NPSR1: variants seen among roughly 807,000 people sequenced by gnomAD.
NPSR1 encodes neuropeptide S receptor 1, also known as neuropeptide S receptor.
In NPSR1, 48 loss-of-function variants were observed where a neutral mutation model predicts 46.9. The observed-to-expected ratio is 1.02, with a 90% CI of 0.81 to 1.30. The LOEUF is 1.30. NPSR1 is among the 50% of genes most tolerant of loss of function. The pLI is 0.00. For synonymous variants in NPSR1, 176 were observed against 168.1 expected, an observed-to-expected ratio of 1.05 and a Z score of -0.36; for missense variants, 450 against 449.5, an observed-to-expected ratio of 1.00 and a Z score of -0.01.
chr7:34,685,359 A>G (rs954538887), intron 2 of NPSR1, among the ~76,000 whole-genome samples: 6 of 152,208 alleles, frequency 3.9e-5, no homozygotes, highest in Non-Finnish European at 8.8e-5. Flanking sequence ...AAACACAACC[A>G]GGGAAAGAGT....
chr7:34,865,400 C>G (rs982620727), intron 8 of NPSR1, among the ~76,000 whole-genome samples: 26 of 151,726 alleles, frequency 1.7e-4, no homozygotes, highest in Non-Finnish European at 3.2e-4. Context: ...ACAGCTCCCC[C>G]CATGAAAAAG....
chr7:34,812,229 C>T (rs1436588821), intron 4 of NPSR1, among the ~76,000 whole-genome samples: 2 of 152,162 alleles, frequency 1.3e-5, no homozygotes, highest in African/African-American at 2.4e-5. Context: ...AACTCTCCCA[C>T]ACTAACTTCT....
chr7:34,689,730 C>A (rs576263229), intron 2 of NPSR1, among the ~76,000 whole-genome samples: 1 of 150,754 alleles, frequency 6.6e-6, no homozygotes, highest in African/African-American at 2.4e-5. Flanking sequence ...ATCACTTGAG[C>A]TTAGGAATTC....
chr7:34,664,861 TGAGG>T (rs1238551441), intron 1 of NPSR1, among the ~76,000 whole-genome samples: 1 of 152,178 alleles, frequency 6.6e-6, no homozygotes, highest in Non-Finnish European at 1.5e-5. Context: ...CCCAAGGTCA[TGAGG>T]AAGTTGTAAG....
At chr7:34,700,259 C>T (rs997676459) in intron 2 of NPSR1, among the ~76,000 whole-genome samples, 1 of 152,110 alleles carries the variant, frequency 6.6e-6, no homozygotes, top group African/African-American at 2.4e-5. Context: ...GTTTAGAAAG[C>T]AAGATGTTCC....
chr7:34,843,305 C>A (rs1270189875), intron 6 of NPSR1, among the ~76,000 whole-genome samples: 1 of 152,206 alleles, frequency 6.6e-6, no homozygotes, highest in African/African-American at 2.4e-5. Flanking sequence ...CATCCCATGG[C>A]AGAAAACAGA....
intron 3 of NPSR1, among the ~76,000 whole-genome samples, chr7:34,807,016 G>A (rs1054201116): frequency 2.4e-4 from 37 of 152,064 alleles, no homozygotes; most frequent in Non-Finnish European, 4.6e-4. Flanking sequence ...TCCTCAAGCT[G>A]CCATCTGTTC....
chr7:34,750,129 T>TTA (rs1785443644), intron 2 of NPSR1: 5 of 78,494 alleles, frequency 6.4e-5, no homozygotes, highest in South Asian at 5.3e-4. Flanking sequence ...CGTGTATGTA[T>TTA]TTTTTTTTTT....
intron 2 of NPSR1, chr7:34,685,940 G>A: frequency 4.8e-6 from 1 of 209,064 alleles, no homozygotes. Context: ...TAGAAGTAGA[G>A]GTAATTAGGA....
chr7:34,845,714 A>C, intron 7 of NPSR1: 1 of 390,714 alleles, frequency 2.6e-6, no homozygotes. Context: ...GGAGTAATAA[A>C]TCTATGAGGG....
intron 8 of NPSR1, chr7:34,871,609 C>A (rs1489349763): frequency 1.3e-5 from 2 of 151,878 alleles, no homozygotes; most frequent in Non-Finnish European, 2.9e-5. Context: ...AAGTTATTTG[C>A]TTCCAAGATA....
At position 34,725,776 on chromosome 7, in the gene NPSR1, T is replaced by C. The variant is rs1200942312; in HGVS notation, c.280+41092T>C. Among the ~76,000 whole-genome samples the C allele has an allele frequency of 2.6e-4, 40 of 152,208 alleles. 1 individual carries two copies. Among genetic ancestry groups the C allele is most frequent in the Admixed American group, 2.6e-3 (40 of 15,286 alleles). ...CGGATAAAGGACTATTGATATGGTT[T>C]GGCTGTGTCCCCACCAAAATCTCAC... is the stretch of plus-strand genomic sequence containing the variant. On this transcript the variant is annotated intron_variant, in intron 2 of 8. Coordinates refer to ENST00000360581, the MANE Select transcript of NPSR1 (RefSeq NM_207172.2).
intron 2 of NPSR1, chr7:34,758,112 G>A (rs1170347582): frequency 6.6e-6 from 1 of 152,604 alleles, no homozygotes; most frequent in Non-Finnish European, 1.5e-5. Context: ...TAAAATGGAG[G>A]TTGTAAAAAT....
At chr7:34,860,307 C>G (rs932231483) in intron 8 of NPSR1, among the ~76,000 whole-genome samples, 2 of 151,700 alleles carry the variant, frequency 1.3e-5, no homozygotes, top group Admixed American at 6.6e-5. Flanking sequence ...TCAAAAAGAC[C>G]AAACAAGTCC....
intron 2 of NPSR1, chr7:34,710,670 C>G (rs1783234699): frequency 4.6e-6 from 1 of 215,834 alleles, no homozygotes; most frequent in Non-Finnish European, 9.3e-6. Flanking sequence ...GGAGTAGGTT[C>G]ATAAATACAA....
intron 2 of NPSR1, among the ~76,000 whole-genome samples, chr7:34,742,336 T>C (rs1446616447): frequency 6.6e-6 from 1 of 152,202 alleles, no homozygotes; most frequent in Non-Finnish European, 1.5e-5. Context: ...CACTTTCAAG[T>C]AGACTACAGT....
chr7:34,751,807 G>A, intron 2 of NPSR1: 10 of 1,583,656 alleles, frequency 6.3e-6, no homozygotes, highest in Non-Finnish European at 8.7e-6. Context: ...ACAGATCACT[G>A]TGGGACTCTC....
Position 34,693,392 on chromosome 7 carries a change from G to A in NPSR1, c.280+8708G>A, listed in dbSNP as rs930600960. 3.3e-5 allele frequency among the ~76,000 whole-genome samples: 5 copies of A among 152,066 alleles called. No homozygotes were observed. The East Asian group carries it at 9.6e-4, about 29-fold the overall frequency. Reference sequence around the variant, plus strand: ...TCTGTGCACACAAACTAGAAAACCTGGAGGAAATGGATAAATCCCAGAAAC... The same window carrying A: ...TCTGTGCACACAAACTAGAAAACCTAGAGGAAATGGATAAATCCCAGAAAC... On this transcript the variant is annotated intron_variant, in intron 2 of 8. Transcript: ENST00000360581.
At position 34,801,946 on chromosome 7, in the gene NPSR1, G is replaced by A. The variant is rs550685259; in HGVS notation, c.385-9824G>A. 2.7e-4 allele frequency among the ~76,000 whole-genome samples: 40 copies of A among 150,016 alleles called. 1 individual carries two copies. In the South Asian group the frequency reaches 7.7e-3, roughly 29 times the overall value. On this transcript the variant is annotated intron_variant, in intron 3 of 8. Transcript: ENST00000360581. Reference sequence around the variant, plus strand: ...ACAGACAATCAGAGAGCCAAATCATGAGGGAACACCCATTCACAATTGCTT... The same window carrying A: ...ACAGACAATCAGAGAGCCAAATCATAAGGGAACACCCATTCACAATTGCTT...
Sources: gnomAD v4.1 joint callset for allele counts (sites outside exome capture counted in the v4.1 genomes callset) on GRCh38, gnomAD v4.1.1 for gene constraint, MANE v1.5 for transcripts, NCBI Gene and HGNC (gene_info 2026-07-23, HGNC 2026-07-21) for gene names.